The following SNX4 variants were observed in gnomAD, a reference collection of about 807,000 sequenced individuals.
SNX4 encodes the protein sorting nexin 4.
Under a neutral mutation model 70.8 loss-of-function variants are expected in SNX4, and 49 were observed. The observed-to-expected ratio is 0.69, with a 90% CI of 0.55 to 0.88. The LOEUF (loss-of-function observed/expected upper bound fraction) is 0.88. Among genes scored for constraint, SNX4 ranks in the 40% least tolerant of loss-of-function variants. The pLI is 0.00. For missense variants in SNX4, 528 were observed against 544.8 expected, an observed-to-expected ratio of 0.97 and a Z score of 0.31; for synonymous variants, 206 against 183.8, an observed-to-expected ratio of 1.12 and a Z score of -0.98.
At chr3:125,507,855 G>A (rs1935083041) in intron 1 of SNX4, among the ~76,000 whole-genome samples, 1 of 152,198 alleles carries the variant, frequency 6.6e-6, no homozygotes, top group Admixed American at 6.5e-5. Flanking sequence ...GGAGGTTGCA[G>A]TGAGCCAAGA....
chr3:125,512,834 C>T (rs1244561749), intron 1 of SNX4, among the ~76,000 whole-genome samples: 3 of 151,100 alleles, frequency 2.0e-5, no homozygotes, highest in Admixed American at 6.6e-5. Flanking sequence ...TCAATCCTGG[C>T]TCACTGCAAA....
chr3:125,514,450 G>C (rs1935233203), intron 1 of SNX4, among the ~76,000 whole-genome samples: 1 of 147,510 alleles, frequency 6.8e-6, no homozygotes, highest in Non-Finnish European at 1.5e-5. Flanking sequence ...GGAGTGCAGT[G>C]GCATGATCAC....
intron 5 of SNX4, among the ~76,000 whole-genome samples, chr3:125,493,659 AAAAAAAAAGAAAG>A (rs1934711966): frequency 6.6e-6 from 1 of 151,624 alleles, no homozygotes; most frequent in Non-Finnish European, 1.5e-5. Context: ...GTGTCAAAAA[AAAAAAAAAGAAAG>A]AAAAAAAGAA....
chr3:125,497,249 T>G (rs890379355), intron 5 of SNX4, 92 bp downstream of exon 5: 2 of 700,382 alleles, frequency 2.9e-6, no homozygotes, highest in African/African-American at 3.7e-5. Context: ...CCAACATTCA[T>G]TTATTCAATA....
chr3:125,462,666 T>A (rs1014538842), intron 9 of SNX4, among the ~76,000 whole-genome samples: 8 of 151,880 alleles, frequency 5.3e-5, no homozygotes, highest in Non-Finnish European at 1.2e-4. Context: ...AATATAAAAT[T>A]GTATGAAATA....
At chr3:125,507,441 G>A (rs1258160801) in intron 1 of SNX4, among the ~76,000 whole-genome samples, 2 of 152,134 alleles carry the variant, frequency 1.3e-5, no homozygotes, top group African/African-American at 4.8e-5. Flanking sequence ...CACTGTGGTA[G>A]TAAGGAGAGG....
intron 9 of SNX4, among the ~76,000 whole-genome samples, chr3:125,466,054 A>G (rs1286687316): frequency 1.3e-5 from 2 of 151,774 alleles, no homozygotes; most frequent in African/African-American, 4.9e-5. Flanking sequence ...TTCTCTCAGC[A>G]ATGTTTTATG....
Position 125,504,656 on chromosome 3 carries a change from T to G in SNX4, c.230A>C (p.Gln77Pro), listed in dbSNP as rs765073894. The change falls in exon 2 of 14, where the codon CAA becomes CCA. Residue 77 changes from glutamine to proline, a missense_variant. Gln to Pro is a moderately conservative substitution (Grantham distance 76). Transcript: ENST00000251775. ...KRTGRNAMNMQETYTAYLIET... is the reference protein window; with the variant it reads ...KRTGRNAMNMPETYTAYLIET... ...AATGAGGTAAGCAGTATATGTTTCT[T>G]GCATGTTCATGGCATTTCTTCCAGT... 5 of 1,614,146 alleles carry G rather than the reference T, an allele frequency of 3.1e-6. No homozygotes were observed. The highest frequency in any genetic ancestry group is 4.2e-6 in the Non-Finnish European group (5 of 1,180,002).
At chr3:125,504,519 A>T (rs542622107) in intron 2 of SNX4, 104 bp downstream of exon 2, 7 of 1,183,996 alleles carry the variant, frequency 5.9e-6, no homozygotes, top group Non-Finnish European at 8.3e-6. Flanking sequence ...ATCCCGAAAA[A>T]AAAAATAACC....
intron 2 of SNX4, among the ~76,000 whole-genome samples, chr3:125,501,252 A>C (rs915673393): frequency 6.6e-6 from 1 of 152,186 alleles, no homozygotes; most frequent in Non-Finnish European, 1.5e-5. Flanking sequence ...AAAAACATAA[A>C]TCATAAAGAG....
chr3:125,477,523 G>C (rs1024490205), intron 7 of SNX4, among the ~76,000 whole-genome samples: 1 of 152,088 alleles, frequency 6.6e-6, no homozygotes, highest in Non-Finnish European at 1.5e-5. Flanking sequence ...CCTACAAAAA[G>C]CTCTAGAAAA....
intron 6 of SNX4, 47 bp from the exon 7 acceptor site, chr3:125,480,366 C>G (rs1934382775): frequency 8.0e-7 from 1 of 1,254,434 alleles, no homozygotes; most frequent in African/African-American, 1.5e-5. Flanking sequence ...TGAAAACAAG[C>G]AGTCAAAAAC....
chr3:125,506,050 C>T (rs1046290713), intron 1 of SNX4, among the ~76,000 whole-genome samples: 5 of 152,168 alleles, frequency 3.3e-5, no homozygotes, highest in Admixed American at 6.5e-5. Flanking sequence ...TTTAAGTTTA[C>T]ACCTCTCTCA....
chr3:125,492,716 A>T (rs1934691313), intron 5 of SNX4, among the ~76,000 whole-genome samples: 1 of 151,800 alleles, frequency 6.6e-6, no homozygotes, highest in Admixed American at 6.6e-5. Flanking sequence ...CCACAATAAC[A>T]CAGAGTTTAT....
intron 9 of SNX4, 59 bp from the exon 10 acceptor site, chr3:125,460,919 T>A: frequency 1.1e-6 from 1 of 888,228 alleles, no homozygotes; most frequent in Non-Finnish European, 1.7e-6. Flanking sequence ...ATACAAAGTA[T>A]TAGGGTTCTA....
At chr3:125,499,300 T>C (rs1444254831) in intron 2 of SNX4, among the ~76,000 whole-genome samples, 3 of 152,218 alleles carry the variant, frequency 2.0e-5, no homozygotes, top group Non-Finnish European at 4.4e-5. Context: ...ATAACCTGTT[T>C]GCCCTCCATG....
Position 125,475,087 on chromosome 3 carries a change from T to C in SNX4, c.788+1608A>G, listed in dbSNP as rs575687989. 5.3e-5 allele frequency among the ~76,000 whole-genome samples: 8 copies of C among 152,340 alleles called. No individual in the cohort carries two copies. In the East Asian group the frequency reaches 1.5e-3, roughly 29 times the overall value. On this transcript the variant is annotated intron_variant, in intron 8 of 13. Coordinates refer to ENST00000251775, the MANE Select transcript of SNX4 (RefSeq NM_003794.4). The stretch of plus-strand genomic sequence containing the variant: ...ATATTTTCATAGACCCTGGTCCTAG[T>C]TATGAAGAGTTTACATTTTTATAAT...
chr3:125,474,579 G>A (rs1439113033), intron 8 of SNX4, among the ~76,000 whole-genome samples: 4 of 152,144 alleles, frequency 2.6e-5, no homozygotes, highest in Non-Finnish European at 2.9e-5. Flanking sequence ...GCCTCCCAAA[G>A]TGCTAGGATT....
At chr3:125,499,451 C>G (rs1559822771) in intron 2 of SNX4, among the ~76,000 whole-genome samples, 1 of 152,066 alleles carries the variant, frequency 6.6e-6, no homozygotes, top group Non-Finnish European at 1.5e-5. Flanking sequence ...AAGTTTGCTA[C>G]TAAATTTATT....
Sources: allele counts gnomAD v4.1 joint callset (sites outside exome capture counted in the v4.1 genomes callset), GRCh38; gene constraint gnomAD v4.1.1; transcripts MANE v1.5; gene names NCBI Gene and HGNC (gene_info 2026-07-23, HGNC 2026-07-21).